Variants in DOCK1 observed in about 807,000 individuals in gnomAD.
The protein encoded by DOCK1 is dedicator of cytokinesis protein 1.
Under a neutral mutation model 262.7 loss-of-function variants are expected in DOCK1, and 138 were observed. That is an observed-to-expected ratio of 0.53 (90% CI 0.46 to 0.61). The LOEUF (loss-of-function observed/expected upper bound fraction) is 0.61. Ranked by LOEUF, DOCK1 falls within the 20% of genes least tolerant of loss-of-function variation. The probability of loss-of-function intolerance (pLI) is 0.00; values close to 1 mark genes in which losing one functional copy is unlikely to be tolerated. For synonymous variants in DOCK1, 866 were observed against 867.4 expected, an observed-to-expected ratio of 1.00 and a Z score of 0.03; for missense variants, 1,908 against 2,370.7, an observed-to-expected ratio of 0.80 and a Z score of 4.05.
At chr10:127,195,862 T>A (rs1395220018) in intron 27 of DOCK1, 1 of 152,202 alleles carries the variant, frequency 6.6e-6, no homozygotes, top group East Asian at 2.0e-4. Context: ...AGCCGCCGAG[T>A]TTCCGGCCAA....
At chr10:127,287,595 G>A (rs374139212) in intron 29 of DOCK1, among the ~76,000 whole-genome samples, 2 of 152,088 alleles carry the variant, frequency 1.3e-5, no homozygotes, top group South Asian at 2.1e-4. Flanking sequence ...GTTATTTAAC[G>A]TGTTCCTCTG....
intron 48 of DOCK1, among the ~76,000 whole-genome samples, chr10:127,436,632 TC>T (rs11316959): frequency 0.35 from 53,378 of 151,960 alleles, 9,418 homozygotes; most frequent in Admixed American, 0.4. Context: ...TCTTTTTTTT[TC>T]AATCTGTATC....
chr10:127,154,482 T>C (rs2052838797), intron 27 of DOCK1, among the ~76,000 whole-genome samples: 1 of 152,280 alleles, frequency 6.6e-6, no homozygotes, highest in Non-Finnish European at 1.5e-5. Context: ...TCAGTGTCCA[T>C]GAATAAAGTT....
At chr10:127,370,386 T>A (rs1347098671) in intron 33 of DOCK1, among the ~76,000 whole-genome samples, 1 of 152,170 alleles carries the variant, frequency 6.6e-6, no homozygotes. Context: ...TGCAAACCTT[T>A]CCACCCTGGC....
chr10:126,982,185 T>C lies in DOCK1; in HGVS notation c.227+212T>C, dbSNP rs547184503. On this transcript the variant is annotated intron_variant, in intron 4 of 51. Coordinates refer to ENST00000623213, the MANE Select transcript of DOCK1 (RefSeq NM_001290223.2). ...TTTATGGAGTCTGAAGTCAGCACCA[T>C]ACTTGGCAGTTACTGTCCTTGAACC... Among the ~76,000 whole-genome samples the C allele has an allele frequency of 8.5e-5, 13 of 152,322 alleles. No individual in the cohort carries two copies. In the South Asian group the frequency reaches 2.7e-3, roughly 32 times the overall value.
At chr10:126,989,233 G>A (rs1201836040) in intron 5 of DOCK1, among the ~76,000 whole-genome samples, 1 of 152,192 alleles carries the variant, frequency 6.6e-6, no homozygotes, top group African/African-American at 2.4e-5. Flanking sequence ...AGTGAGCTCA[G>A]TACGTGGTTT....
intron 27 of DOCK1, among the ~76,000 whole-genome samples, chr10:127,190,364 G>T (rs1332950578): frequency 7.2e-5 from 11 of 152,160 alleles, no homozygotes; most frequent in Non-Finnish European, 1.3e-4. Flanking sequence ...TACACAAAAA[G>T]TTACAAGTGG....
chr10:127,378,463 G>A (rs1360356541), intron 35 of DOCK1, among the ~76,000 whole-genome samples: 1 of 152,126 alleles, frequency 6.6e-6, no homozygotes, highest in Non-Finnish European at 1.5e-5. Context: ...TGGGAGCACC[G>A]CGTGAACCTT....
rs1197353337 is a variant in DOCK1 at position 127,332,203 on chromosome 10, C to T, written c.3045-6803C>T. ...CATGGAGACCCAAGTGGGGATGACA[C>T]GGCCTCAGGCTAGAGCAGACGCACC... On this transcript the variant is annotated intron_variant, in intron 29 of 51. Transcript: ENST00000623213. Among the ~76,000 whole-genome samples, 7 of 152,184 alleles carry T rather than the reference C, an allele frequency of 4.6e-5. No individual in the cohort carries two copies. The South Asian group carries it at 1.0e-3, about 23-fold the overall frequency.
At chr10:127,386,096 A>G (rs1209038630) in intron 38 of DOCK1, among the ~76,000 whole-genome samples, 1 of 152,188 alleles carries the variant, frequency 6.6e-6, no homozygotes, top group Non-Finnish European at 1.5e-5. Context: ...GACGTAAACC[A>G]AACCCCATTG....
chr10:127,142,714 A>G (rs2051385310), intron 27 of DOCK1, among the ~76,000 whole-genome samples: 1 of 152,066 alleles, frequency 6.6e-6, no homozygotes, highest in African/African-American at 2.4e-5. Context: ...CTGCACCTCC[A>G]TTCTCCCTCC....
At chr10:127,086,352 T>C (rs1314404792) in intron 23 of DOCK1, among the ~76,000 whole-genome samples, 1 of 152,012 alleles carries the variant, frequency 6.6e-6, no homozygotes, top group Non-Finnish European at 1.5e-5. Context: ...TCTCTTTGAG[T>C]CCTTATAACA....
chr10:126,960,899 C>T (rs2037165430), intron 1 of DOCK1, among the ~76,000 whole-genome samples: 1 of 150,142 alleles, frequency 6.7e-6, no homozygotes, highest in South Asian at 2.1e-4. Context: ...AAGATAGTTG[C>T]TGCTAGTTGT....
intron 32 of DOCK1, among the ~76,000 whole-genome samples, chr10:127,355,290 T>C (rs1354052303): frequency 6.6e-6 from 1 of 152,208 alleles, no homozygotes; most frequent in African/African-American, 2.4e-5. Context: ...AAATTCTCTA[T>C]TAAAATTTTA....
At chr10:127,323,062 G>A (rs1798698236) in intron 29 of DOCK1, among the ~76,000 whole-genome samples, 1 of 38,920 alleles carries the variant, frequency 2.6e-5, no homozygotes, top group African/African-American at 1.7e-4. Context: ...ATCAATGCTC[G>A]ATCAATGCGA....
intron 27 of DOCK1, chr10:127,153,803 C>G (rs769950831): frequency 1.4e-6 from 2 of 1,415,530 alleles, no homozygotes; most frequent in South Asian, 1.2e-5. Context: ...GGGTAAACAT[C>G]ATTTGTCACT....
At chr10:127,438,920 C>T in intron 48 of DOCK1, 107 bp from the exon 49 acceptor site, 1 of 1,216,754 alleles carries the variant, frequency 8.2e-7, no homozygotes, top group African/African-American at 1.5e-5. Flanking sequence ...TTTTAAATCA[C>T]TGCTTTCATT....
intron 33 of DOCK1, among the ~76,000 whole-genome samples, chr10:127,371,453 T>C (rs886263971): frequency 2.0e-5 from 3 of 152,208 alleles, no homozygotes; most frequent in African/African-American, 7.2e-5. Context: ...TGCCTGTGTT[T>C]GTGACAGCTA....
chr10:127,143,609 C>T (rs941270808), intron 27 of DOCK1, among the ~76,000 whole-genome samples: 7 of 152,290 alleles, frequency 4.6e-5, no homozygotes, highest in Non-Finnish European at 8.8e-5. Flanking sequence ...GTCCCCAAAG[C>T]ACAACAATTT....
Sources: allele counts gnomAD v4.1 joint callset (sites outside exome capture counted in the v4.1 genomes callset), GRCh38; gene constraint gnomAD v4.1.1; transcripts MANE v1.5; gene names NCBI Gene and HGNC (gene_info 2026-07-23, HGNC 2026-07-21).